CNTLN: variants seen among roughly 807,000 people sequenced by gnomAD.
CNTLN encodes centlein, centrosomal protein.
A neutral mutation model predicts 180.0 loss-of-function variants in CNTLN; 212 were observed. The observed-to-expected ratio is 1.18, with a 90% CI of 1.05 to 1.32. The LOEUF (loss-of-function observed/expected upper bound fraction) is 1.32, where lower values mean the gene tolerates loss of function less well. Ranked by LOEUF, CNTLN falls within the 40% of genes most tolerant of loss-of-function variation. The probability of loss-of-function intolerance (pLI) is 0.00; values close to 1 mark genes in which losing one functional copy is unlikely to be tolerated. For synonymous variants in CNTLN, 722 were observed against 563.1 expected (o/e 1.28, Z -3.99); for missense variants, 2,095 against 1,610.9 (o/e 1.30, Z -5.14).
rs150779081 is a variant in CNTLN at position 17,320,800 on chromosome 9, G to T, written c.1342-9832G>T. On this transcript the variant is annotated intron_variant, in intron 8 of 25. Coordinates refer to ENST00000380647, the MANE Select transcript of CNTLN (RefSeq NM_017738.4). ...TTACAGGCACAAGCCACCGTGTCTG[G>T]CCTCATTTATATATATTTATTCTGA... 4.5e-3 allele frequency among the ~76,000 whole-genome samples: 683 copies of T among 152,270 alleles called. 3 individuals are homozygous for T. The highest frequency in any genetic ancestry group is 0.015 in the African/African-American group (637 of 41,572).
chr9:17,404,388 G>T (rs1827216268), intron 15 of CNTLN, among the ~76,000 whole-genome samples: 1 of 151,674 alleles, frequency 6.6e-6, no homozygotes, highest in Non-Finnish European at 1.5e-5. Context: ...ATGATCTTGG[G>T]CTAGGGGATT....
chr9:17,422,624 TC>T lies in CNTLN; in HGVS notation c.3114+6436del, dbSNP rs530767979. Among the ~76,000 whole-genome samples the T allele has an allele frequency of 1.6e-4, 25 of 152,318 alleles. No homozygotes were observed. The South Asian group carries it at 4.8e-3, about 29-fold the overall frequency. ...GATTCTGAATTTTTTCTCTGTGTTTTCTTGGTTCATTGAGCTTCCTTAAAAC... is the reference window on the plus strand; with the variant it reads ...GATTCTGAATTTTTTCTCTGTGTTTTTTGGTTCATTGAGCTTCCTTAAAAC... On this transcript the variant is annotated intron_variant, in intron 18 of 25. Transcript: ENST00000380647.
downstream of CNTLN, among the ~76,000 whole-genome samples, chr9:17,507,051 T>C (rs952027075): frequency 6.6e-6 from 1 of 152,128 alleles, no homozygotes; most frequent in African/African-American, 2.4e-5. Context: ...AATGAATACA[T>C]TGCATGATTC....
the CNTLN span, among the ~76,000 whole-genome samples, chr9:17,524,162 T>C: frequency 6.6e-6 from 1 of 152,230 alleles, no homozygotes; most frequent in Non-Finnish European, 1.5e-5. Context: ...TCTGTATGTG[T>C]TTATATGTAT....
intron 2 of CNTLN, among the ~76,000 whole-genome samples, chr9:17,199,682 T>C (rs762178388): frequency 6.6e-6 from 1 of 152,182 alleles, no homozygotes; most frequent in Admixed American, 6.5e-5. Context: ...CAGTTTTTGA[T>C]GGGGTTGTTT....
At chr9:17,235,561 T>C in intron 3 of CNTLN, 97 bp from the exon 4 acceptor site, 1 of 954,592 alleles carries the variant, frequency 1.0e-6, no homozygotes, top group East Asian at 2.7e-5. Context: ...AGCTATTTAA[T>C]CATCACATTA....
chr9:17,194,524 C>G (rs1001085451), intron 2 of CNTLN, among the ~76,000 whole-genome samples: 2 of 152,296 alleles, frequency 1.3e-5, no homozygotes, highest in East Asian at 1.9e-4. Context: ...TAGTTCCCAA[C>G]AAGTTCCTCA....
intron 5 of CNTLN, among the ~76,000 whole-genome samples, chr9:17,270,699 T>C (rs1445184754): frequency 6.6e-6 from 1 of 152,174 alleles, no homozygotes; most frequent in Admixed American, 6.5e-5. Flanking sequence ...ACCTTACCTT[T>C]AAACCTTTAG....
chr9:17,528,018 A>G, the CNTLN span, among the ~76,000 whole-genome samples: 7 of 152,102 alleles, frequency 4.6e-5, no homozygotes, highest in Non-Finnish European at 1.0e-4. Flanking sequence ...AATAGATTGA[A>G]TAAATACCTG....
intron 25 of CNTLN, chr9:17,495,095 G>A (rs1019692568): frequency 8.5e-6 from 3 of 353,010 alleles, no homozygotes; most frequent in South Asian, 6.4e-5. Flanking sequence ...GCCCAGGCTG[G>A]TCTCCAACTC....
At chr9:17,518,007 T>C in the CNTLN span, among the ~76,000 whole-genome samples, 3 of 141,254 alleles carry the variant, frequency 2.1e-5, no homozygotes, top group Admixed American at 7.2e-5. Flanking sequence ...TACCCCCACC[T>C]CCATAAAGTT....
chr9:17,263,592 G>C (rs1181960184), intron 5 of CNTLN, among the ~76,000 whole-genome samples: 3 of 149,776 alleles, frequency 2.0e-5, no homozygotes, highest in African/African-American at 5.0e-5. Context: ...GGTATTTCTA[G>C]TTCTAGATCC....
At position 17,165,091 on chromosome 9, in the gene CNTLN, G is replaced by A. The variant is rs1484746946; in HGVS notation, c.449+21715G>A. Among the ~76,000 whole-genome samples the A allele has an allele frequency of 4.0e-5, 6 of 151,854 alleles. 1 individual carries two copies. In the East Asian group the frequency reaches 1.2e-3, roughly 29 times the overall value. On this transcript the variant is annotated intron_variant, in intron 2 of 25. Coordinates refer to ENST00000380647, the MANE Select transcript of CNTLN (RefSeq NM_017738.4). Reference sequence around the variant, plus strand: ...CTGACCTCGTGATCCATCCTCCTTGGCCTCCCAAAGTGCTGGGATTACAGG... The same window carrying A: ...CTGACCTCGTGATCCATCCTCCTTGACCTCCCAAAGTGCTGGGATTACAGG...
chr9:17,310,509 T>C lies in CNTLN; in HGVS notation c.1341+1257T>C, dbSNP rs77072977. On this transcript the variant is annotated intron_variant, in intron 8 of 25. Transcript: ENST00000380647. ...CTTTGGTTATTTCCATTTTTACTGTTATGGGTAATATTACTGTTGACATTT... is the reference window on the plus strand; with the variant it reads ...CTTTGGTTATTTCCATTTTTACTGTCATGGGTAATATTACTGTTGACATTT... Among the ~76,000 whole-genome samples the C allele has an allele frequency of 1.0e-2, 1,521 of 152,300 alleles. 21 individuals are homozygous for C. The highest frequency in any genetic ancestry group is 0.033 in the African/African-American group (1,377 of 41,550).
At chr9:17,239,617 C>G (rs1825366607) in intron 5 of CNTLN, among the ~76,000 whole-genome samples, 1 of 152,098 alleles carries the variant, frequency 6.6e-6, no homozygotes, top group Admixed American at 6.5e-5. Flanking sequence ...ACATTTCATT[C>G]TTTGATACAT....
At chr9:17,197,581 A>G (rs944286390) in intron 2 of CNTLN, among the ~76,000 whole-genome samples, 18 of 151,994 alleles carry the variant, frequency 1.2e-4, no homozygotes, top group Non-Finnish European at 4.4e-5. Flanking sequence ...TTAAAATTGG[A>G]TTATTACATT....
intron 12 of CNTLN, among the ~76,000 whole-genome samples, chr9:17,358,289 A>T (rs1440341761): frequency 6.6e-6 from 1 of 152,096 alleles, no homozygotes; most frequent in Non-Finnish European, 1.5e-5. Context: ...TGCATTTAAC[A>T]TGCATAAACT....
At chr9:17,193,391 A>G (rs894264485) in intron 2 of CNTLN, among the ~76,000 whole-genome samples, 1 of 152,176 alleles carries the variant, frequency 6.6e-6, no homozygotes, top group Non-Finnish European at 1.5e-5. Context: ...CCCAGATACA[A>G]TGGGGGTACA....
intron 2 of CNTLN, among the ~76,000 whole-genome samples, chr9:17,208,756 C>A (rs1280018545): frequency 6.6e-6 from 1 of 152,054 alleles, no homozygotes; most frequent in African/African-American, 2.4e-5. Context: ...CGTATAGTTG[C>A]TCATAGTAGC....
Sources: gnomAD v4.1 joint callset for allele counts (sites outside exome capture counted in the v4.1 genomes callset) on GRCh38, gnomAD v4.1.1 for gene constraint, MANE v1.5 for transcripts, NCBI Gene and HGNC (gene_info 2026-07-23, HGNC 2026-07-21) for gene names.